Variants in CHCHD3 observed in about 807,000 individuals in gnomAD.
CHCHD3 encodes the protein MICOS complex subunit MIC19.
Under a neutral mutation model 38.2 loss-of-function variants are expected in CHCHD3, and 20 were observed. That is an observed-to-expected ratio of 0.52 (90% CI 0.37 to 0.76). The LOEUF is 0.76. Among genes scored for constraint, CHCHD3 ranks in the 30% least tolerant of loss-of-function variants. CHCHD3 has a pLI of 0.00. For synonymous variants in CHCHD3, 82 were observed against 100.0 expected (o/e 0.82, Z 1.07); for missense variants, 245 against 279.2 (o/e 0.88, Z 0.87).
intron 5 of CHCHD3, among the ~76,000 whole-genome samples, chr7:132,869,038 A>G (rs1808700867): frequency 6.6e-6 from 1 of 152,190 alleles, no homozygotes; most frequent in Admixed American, 6.5e-5. Flanking sequence ...GCATCACGAA[A>G]AAGCAAATCC....
intron 4 of CHCHD3, among the ~76,000 whole-genome samples, chr7:132,940,449 T>C (rs1475901955): frequency 6.6e-6 from 1 of 152,192 alleles, no homozygotes; most frequent in Non-Finnish European, 1.5e-5. Flanking sequence ...TGGCCATCTG[T>C]AAGGGAAATC....
Position 132,887,961 on chromosome 7 carries a change from A to G in CHCHD3, c.370-2216T>C, listed in dbSNP as rs576452524. Reference sequence around the variant, plus strand: ...CTTATGGTACTCAAGTACTATATGCAAAGATATTCATTATAGGGTTGTTTA... The same window carrying G: ...CTTATGGTACTCAAGTACTATATGCGAAGATATTCATTATAGGGTTGTTTA... On this transcript the variant is annotated intron_variant, in intron 4 of 7. Transcript: ENST00000262570. 3.3e-5 allele frequency among the ~76,000 whole-genome samples: 5 copies of G among 152,006 alleles called. No homozygotes were observed. The South Asian group carries it at 1.0e-3, about 32-fold the overall frequency.
chr7:133,027,363 A>AGAG lies in CHCHD3; in HGVS notation c.170-2737_170-2736insCTC, dbSNP rs1554402334. ...TGCTAAATGTACCTTAATAAGTTGTAAGAGAGAGAGAGAGAGAGAGAGAAA... is the reference window on the plus strand; with the variant it reads ...TGCTAAATGTACCTTAATAAGTTGTAGAGAGAGAGAGAGAGAGAGAGAGAGAAA... On this transcript the variant is annotated intron_variant, in intron 2 of 7. Coordinates refer to ENST00000262570, the MANE Select transcript of CHCHD3 (RefSeq NM_017812.4). Among the ~76,000 whole-genome samples the AGAG allele has an allele frequency of 6.7e-3, 898 of 133,866 alleles. 7 individuals are homozygous for AGAG. Among genetic ancestry groups the AGAG allele is most frequent in the African/African-American group, 0.02 (727 of 36,486 alleles). 87.8% of individuals were successfully genotyped at this position (133,866 alleles called of 152,430 possible). A position where few individuals can be genotyped will look rare whatever the true frequency, so the allele number is the denominator to read the frequency against.
chr7:132,796,337 G>A (rs1806611464), intron 7 of CHCHD3, 105 bp downstream of exon 7: 1 of 1,293,756 alleles, frequency 7.7e-7, no homozygotes. Flanking sequence ...CTAGGGCTTA[G>A]AAAGCTTTTT....
chr7:133,048,814 AG>A lies in CHCHD3; in HGVS notation c.169+21327del, dbSNP rs369223155. ...TATAAATCCACAAAGTGAGAGAGCA[AG>A]CACTTCGGGGTGTGTGAAAGCAAGA... On this transcript the variant is annotated intron_variant, in intron 2 of 7. Transcript: ENST00000262570. Among the ~76,000 whole-genome samples the A allele has an allele frequency of 3.1e-3, 478 of 152,348 alleles. 3 individuals carry two copies. The South Asian group carries it at 0.037, about 12-fold the overall frequency.
intron 5 of CHCHD3, among the ~76,000 whole-genome samples, chr7:132,850,327 C>T (rs550340407): frequency 6.6e-6 from 1 of 152,212 alleles, no homozygotes; most frequent in South Asian, 2.1e-4. Flanking sequence ...ATTACCCTTT[C>T]GTTCCATCTT....
intron 2 of CHCHD3, among the ~76,000 whole-genome samples, chr7:133,028,546 C>T (rs1159001697): frequency 6.6e-6 from 1 of 151,976 alleles, no homozygotes; most frequent in Non-Finnish European, 1.5e-5. Context: ...TGGGTTAATC[C>T]ATGCATGGAT....
chr7:133,007,979 A>T (rs1812746948), intron 3 of CHCHD3, among the ~76,000 whole-genome samples: 1 of 152,204 alleles, frequency 6.6e-6, no homozygotes, highest in South Asian at 2.1e-4. Context: ...ATGTCTCTCA[A>T]GTCCTTCCTG....
chr7:132,798,088 G>A (rs1236172686), intron 6 of CHCHD3, among the ~76,000 whole-genome samples: 1 of 152,102 alleles, frequency 6.6e-6, no homozygotes, highest in Non-Finnish European at 1.5e-5. Flanking sequence ...ACGCCTGGGT[G>A]ATGATTTGTC....
chr7:132,922,937 G>A (rs1351967487), intron 4 of CHCHD3, among the ~76,000 whole-genome samples: 1 of 152,116 alleles, frequency 6.6e-6, no homozygotes, highest in Non-Finnish European at 1.5e-5. Context: ...TGATTGTGCT[G>A]AGCATTAAAA....
intron 6 of CHCHD3, among the ~76,000 whole-genome samples, chr7:132,836,022 T>TGAGAAAATACCTTC (rs1481078845): frequency 4.7e-4 from 71 of 152,190 alleles, no homozygotes; most frequent in Non-Finnish European, 1.2e-4. Flanking sequence ...TCCAGAACTG[T>TGAGAAAATACCTTC]GAGAAAATAC....
At chr7:133,034,995 T>C in intron 2 of CHCHD3, 3 of 1,609,298 alleles carry the variant, frequency 1.9e-6, no homozygotes, top group Non-Finnish European at 2.5e-6. Context: ...CTCCCAGAAA[T>C]ATGGCAGTGC....
intron 5 of CHCHD3, among the ~76,000 whole-genome samples, chr7:132,860,296 GAT>G (rs1562887999): frequency 9.9e-5 from 10 of 100,706 alleles, no homozygotes; most frequent in African/African-American, 4.2e-4. Context: ...TTTATAGATA[GAT>G]AGATAGAGAG....
At chr7:132,997,198 TTTTTGAAAGAAC>T (rs1208476786) in intron 3 of CHCHD3, among the ~76,000 whole-genome samples, 34 of 152,196 alleles carry the variant, frequency 2.2e-4, no homozygotes, top group African/African-American at 7.7e-4. Flanking sequence ...ATTTCTATCA[TTTTTGAAAGAAC>T]GGCTGTAGGT....
At chr7:132,879,432 T>C (rs1808993534) in intron 5 of CHCHD3, among the ~76,000 whole-genome samples, 2 of 152,110 alleles carry the variant, frequency 1.3e-5, no homozygotes, top group South Asian at 4.1e-4. Flanking sequence ...GCAAAGTGGA[T>C]GCCATAGAGC....
chr7:132,894,013 T>C (rs564677046), intron 4 of CHCHD3, among the ~76,000 whole-genome samples: 1 of 152,210 alleles, frequency 6.6e-6, no homozygotes, highest in Non-Finnish European at 1.5e-5. Flanking sequence ...AAATGAATGA[T>C]TTTTGAAATT....
intron 3 of CHCHD3, among the ~76,000 whole-genome samples, chr7:132,977,390 C>G (rs1811794795): frequency 6.6e-6 from 1 of 152,194 alleles, no homozygotes; most frequent in South Asian, 2.1e-4. Context: ...CCAAAATACA[C>G]TTGTACTCAA....
At chr7:132,934,053 C>T (rs899829039) in intron 4 of CHCHD3, among the ~76,000 whole-genome samples, 3 of 152,192 alleles carry the variant, frequency 2.0e-5, no homozygotes, top group Admixed American at 6.5e-5. Context: ...AGCTGAATAG[C>T]ATTTCACTGG....
chr7:132,855,955 T>C (rs1160252520), intron 5 of CHCHD3, among the ~76,000 whole-genome samples: 3 of 152,136 alleles, frequency 2.0e-5, no homozygotes, highest in Admixed American at 6.5e-5. Flanking sequence ...AGTCTGATAG[T>C]CTTCTAGAAA....
Sources: gnomAD v4.1 joint callset for allele counts (sites outside exome capture counted in the v4.1 genomes callset) on GRCh38, gnomAD v4.1.1 for gene constraint, MANE v1.5 for transcripts, NCBI Gene and HGNC (gene_info 2026-07-23, HGNC 2026-07-21) for gene names.